The following LIMA1 variants were observed in gnomAD, a reference collection of about 807,000 sequenced individuals.
The protein encoded by LIMA1 is LIM domain and actin binding 1, also known as LIM domain and actin-binding protein 1.
In LIMA1, 52 loss-of-function variants were observed where a neutral mutation model predicts 62.6. The ratio of observed to expected loss-of-function variants is 0.83; its 90% CI spans 0.67 to 1.05. LIMA1 has a LOEUF of 1.05. Ranked by LOEUF, LIMA1 falls within the 50% of genes least tolerant of loss-of-function variation. The pLI, the probability that LIMA1 is intolerant of heterozygous loss-of-function variation, is 0.00. For missense variants in LIMA1, 780 were observed against 902.2 expected, an observed-to-expected ratio of 0.86 and a Z score of 1.74; for synonymous variants, 302 against 317.8, an observed-to-expected ratio of 0.95 and a Z score of 0.53.
At chr12:50,232,487 A>ATCC (rs1941626717) in intron 2 of LIMA1, among the ~76,000 whole-genome samples, 2 of 148,562 alleles carry the variant, frequency 1.3e-5, no homozygotes, top group African/African-American at 5.0e-5. Context: ...CCACCACCTC[A>ATCC]TCCTCCTGAG....
chr12:50,225,552 TC>T (rs1484900389), intron 3 of LIMA1, among the ~76,000 whole-genome samples: 2 of 152,198 alleles, frequency 1.3e-5, no homozygotes, highest in East Asian at 3.8e-4. Context: ...CATGAAATCT[TC>T]AATCTTTTTT....
chr12:50,227,538 C>T (rs1163931586), intron 3 of LIMA1, among the ~76,000 whole-genome samples: 2 of 151,832 alleles, frequency 1.3e-5, no homozygotes, highest in East Asian at 3.9e-4. Context: ...CGAAGTCTTC[C>T]CTTTACTCCT....
At chr12:50,246,428 T>C (rs1263236199) in intron 2 of LIMA1, among the ~76,000 whole-genome samples, 2 of 152,038 alleles carry the variant, frequency 1.3e-5, no homozygotes, top group Non-Finnish European at 1.5e-5. Flanking sequence ...CACCGTCTGA[T>C]ATCCTTCCCT....
intron 4 of LIMA1, among the ~76,000 whole-genome samples, chr12:50,218,715 G>A (rs1330212849): frequency 6.6e-6 from 1 of 151,960 alleles, no homozygotes; most frequent in Admixed American, 6.6e-5. Flanking sequence ...AGAACAGTCT[G>A]GGCAACATAG....
intron 4 of LIMA1, among the ~76,000 whole-genome samples, chr12:50,213,349 AAT>A (rs1465359607): frequency 2.0e-5 from 3 of 152,364 alleles, no homozygotes; most frequent in Admixed American, 6.5e-5. Context: ...CTATCCAATA[AAT>A]AGTTATTATA....
chr12:50,193,982 T>C (rs898657059), intron 8 of LIMA1, among the ~76,000 whole-genome samples: 4 of 75,624 alleles, frequency 5.3e-5, no homozygotes, highest in African/African-American at 3.1e-4. Flanking sequence ...TATATACATA[T>C]ATATATATAT....
At chr12:50,249,731 T>C (rs912398780) in intron 1 of LIMA1, 10 of 152,158 alleles carry the variant, frequency 6.6e-5, no homozygotes, top group African/African-American at 1.2e-4. Context: ...GTTTCCTTAT[T>C]TGAAGAGTGA....
At chr12:50,252,634 A>G (rs1182676785) in intron 1 of LIMA1, among the ~76,000 whole-genome samples, 1 of 151,352 alleles carries the variant, frequency 6.6e-6, no homozygotes, top group African/African-American at 2.4e-5. Flanking sequence ...GAAGAAAACC[A>G]TGCTAAGGAG....
At chr12:50,195,622 G>T in intron 8 of LIMA1, 1 of 406,836 alleles carries the variant, frequency 2.5e-6, no homozygotes, top group Non-Finnish European at 4.3e-6. Flanking sequence ...CAAGTATTCA[G>T]TTTGTCCCAA....
chr12:50,239,299 T>C (rs1323711840), intron 2 of LIMA1, among the ~76,000 whole-genome samples: 3 of 152,166 alleles, frequency 2.0e-5, no homozygotes, highest in Admixed American at 1.3e-4. Flanking sequence ...GCCTCACTTA[T>C]ATTAATTAGC....
chr12:50,246,473 A>G (rs1941851003), intron 2 of LIMA1, among the ~76,000 whole-genome samples: 1 of 152,070 alleles, frequency 6.6e-6, no homozygotes, highest in Admixed American at 6.6e-5. Flanking sequence ...GACCCCCAAC[A>G]GCTTTCACTT....
At chr12:50,255,856 A>G (rs1941989760) in intron 1 of LIMA1, among the ~76,000 whole-genome samples, 1 of 152,106 alleles carries the variant, frequency 6.6e-6, no homozygotes, top group African/African-American at 2.4e-5. Flanking sequence ...TAGTGACTAA[A>G]TTCACATTCT....
At chr12:50,251,483 T>C (rs1941929660) in intron 1 of LIMA1, among the ~76,000 whole-genome samples, 1 of 151,896 alleles carries the variant, frequency 6.6e-6, no homozygotes, top group African/African-American at 2.4e-5. Context: ...TAGCCAGGTG[T>C]GGTGGTACAC....
At chr12:50,210,890 A>C (rs538153776) in intron 4 of LIMA1, among the ~76,000 whole-genome samples, 1 of 152,362 alleles carries the variant, frequency 6.6e-6, no homozygotes, top group Admixed American at 6.5e-5. Context: ...ACTGTCTCTG[A>C]AAAATCCCTC....
intron 2 of LIMA1, among the ~76,000 whole-genome samples, chr12:50,235,371 C>T (rs1305306867): frequency 1.3e-5 from 2 of 150,380 alleles, no homozygotes; most frequent in Admixed American, 6.7e-5. Flanking sequence ...CTCTGTCTCC[C>T]GGGTTCAAGT....
intron 1 of LIMA1, among the ~76,000 whole-genome samples, chr12:50,270,127 G>A (rs557154083): frequency 1.3e-5 from 2 of 149,104 alleles, no homozygotes; most frequent in South Asian, 4.3e-4. Flanking sequence ...CCAGCTACTC[G>A]GGAAGGCTGA....
chr12:50,218,606 C>A (rs1941389399), intron 4 of LIMA1, among the ~76,000 whole-genome samples: 1 of 152,174 alleles, frequency 6.6e-6, no homozygotes, highest in African/African-American at 2.4e-5. Flanking sequence ...TTGACATTCT[C>A]ATCCTTTAAG....
chr12:50,256,938 A>G (rs1424602804), intron 1 of LIMA1, among the ~76,000 whole-genome samples: 1 of 152,196 alleles, frequency 6.6e-6, no homozygotes, highest in East Asian at 1.9e-4. Flanking sequence ...CGTGATGTTG[A>G]TGTGATGTCT....
intron 2 of LIMA1, among the ~76,000 whole-genome samples, chr12:50,239,666 T>C (rs1941745525): frequency 6.6e-6 from 1 of 150,642 alleles, no homozygotes; most frequent in South Asian, 2.1e-4. Flanking sequence ...ACCATCACAT[T>C]GGACCCCATA....
Sources: allele counts gnomAD v4.1 joint callset (sites outside exome capture counted in the v4.1 genomes callset), GRCh38; gene constraint gnomAD v4.1.1; transcripts MANE v1.5; gene names NCBI Gene and HGNC (gene_info 2026-07-23, HGNC 2026-07-21).